Variants in TMEM117 observed in about 807,000 individuals in gnomAD.
The protein encoded by TMEM117 is transmembrane protein 117.
Under a neutral mutation model 52.4 loss-of-function variants are expected in TMEM117, and 27 were observed. The observed-to-expected ratio is 0.51, with a 90% CI of 0.38 to 0.71. The LOEUF is 0.71. Ranked by LOEUF, TMEM117 falls within the 30% of genes least tolerant of loss-of-function variation. The pLI, the probability that TMEM117 is intolerant of heterozygous loss-of-function variation, is 0.00. For synonymous variants in TMEM117, 215 were observed against 206.3 expected (o/e 1.04, Z -0.36); for missense variants, 556 against 630.5 (o/e 0.88, Z 1.26).
intron 6 of TMEM117, among the ~76,000 whole-genome samples, chr12:44,310,815 T>G (rs1950965093): frequency 6.6e-6 from 1 of 152,188 alleles, no homozygotes; most frequent in African/African-American, 2.4e-5. Context: ...AGCACCTGGG[T>G]TCTGCTTAAA....
intron 3 of TMEM117, among the ~76,000 whole-genome samples, chr12:44,130,986 T>C (rs1006737262): frequency 1.3e-5 from 2 of 152,114 alleles, no homozygotes; most frequent in Non-Finnish European, 2.9e-5. Context: ...TGTTGGTCTA[T>C]TGTATAATTC....
Position 44,170,395 on chromosome 12 carries a change from T to G in TMEM117, c.510+26771T>G, listed in dbSNP as rs11609527. On this transcript the variant is annotated intron_variant, in intron 4 of 7. Transcript: ENST00000266534. ...CCAACATGGCACATGTATACATATG[T>G]AACAAACCTGCACGTTGTGCATGTG... 5.9e-3 allele frequency among the ~76,000 whole-genome samples: 904 copies of G among 151,968 alleles called. 11 individuals carry two copies. Among genetic ancestry groups the G allele is most frequent in the Non-Finnish European group, 5.7e-3 (388 of 67,938 alleles).
intron 3 of TMEM117, among the ~76,000 whole-genome samples, chr12:44,026,868 T>C (rs1181805009): frequency 6.6e-6 from 1 of 151,878 alleles, no homozygotes; most frequent in African/African-American, 2.4e-5. Context: ...ACAAGAACAT[T>C]CTTGTTTGTA....
At chr12:44,218,371 A>G (rs1315778716) in intron 5 of TMEM117, among the ~76,000 whole-genome samples, 5 of 152,216 alleles carry the variant, frequency 3.3e-5, no homozygotes, top group Non-Finnish European at 5.9e-5. Flanking sequence ...CATTAGAGTA[A>G]CAGAATGAAT....
At chr12:43,800,571 C>T in the TMEM117 span, 5 of 1,475,484 alleles carry the variant, frequency 3.4e-6, no homozygotes, top group Admixed American at 3.5e-5. Context: ...TAGATGAAAA[C>T]ATAACATTAC....
intron 5 of TMEM117, among the ~76,000 whole-genome samples, chr12:44,280,834 G>T (rs189044812): frequency 8.7e-4 from 133 of 152,158 alleles, no homozygotes; most frequent in African/African-American, 3.0e-3. Context: ...AAATTCTGAT[G>T]AAATTATACT....
intron 3 of TMEM117, among the ~76,000 whole-genome samples, chr12:44,061,644 T>G (rs1947139946): frequency 1.3e-5 from 2 of 152,218 alleles, no homozygotes; most frequent in South Asian, 4.1e-4. Flanking sequence ...TGATTACATT[T>G]TTTTTCATGA....
intron 3 of TMEM117, among the ~76,000 whole-genome samples, chr12:43,997,796 ATTG>A (rs1299116387): frequency 6.6e-6 from 1 of 152,100 alleles, no homozygotes; most frequent in Non-Finnish European, 1.5e-5. Context: ...TTGATATGCC[ATTG>A]TTGTTATGGT....
chr12:43,851,514 TTA>T (rs1361586906), intron 2 of TMEM117, among the ~76,000 whole-genome samples: 9 of 152,162 alleles, frequency 5.9e-5, no homozygotes, highest in Admixed American at 5.9e-4. Flanking sequence ...TTTGGGGGGA[TTA>T]TACTTTAGAC....
intron 5 of TMEM117, among the ~76,000 whole-genome samples, chr12:44,284,024 G>A (rs757021153): frequency 3.3e-5 from 5 of 152,064 alleles, no homozygotes; most frequent in African/African-American, 9.7e-5. Flanking sequence ...CATGTAAGAA[G>A]TGCCTTTTGG....
At chr12:44,219,626 A>G (rs913748889) in intron 5 of TMEM117, among the ~76,000 whole-genome samples, 2 of 152,162 alleles carry the variant, frequency 1.3e-5, no homozygotes, top group Admixed American at 6.5e-5. Flanking sequence ...TCTTTAAAAC[A>G]TATTTGCAAG....
intron 6 of TMEM117, among the ~76,000 whole-genome samples, chr12:44,307,640 C>T (rs530339496): frequency 3.3e-5 from 5 of 152,312 alleles, no homozygotes; most frequent in African/African-American, 9.6e-5. Flanking sequence ...ACTGCTAGTA[C>T]AGCGGGGAGA....
chr12:44,278,581 G>A (rs774001736), intron 5 of TMEM117, among the ~76,000 whole-genome samples: 32 of 152,076 alleles, frequency 2.1e-4, no homozygotes, highest in East Asian at 1.7e-3. Flanking sequence ...TCTTCCCTCC[G>A]TGACAGAATC....
intron 2 of TMEM117, among the ~76,000 whole-genome samples, chr12:43,862,680 G>C (rs1299412778): frequency 6.6e-6 from 1 of 152,344 alleles, no homozygotes; most frequent in Non-Finnish European, 1.5e-5. Context: ...CTGGGGTGGA[G>C]TGCAGAGGAT....
chr12:43,931,555 G>T (rs927924088), intron 2 of TMEM117, among the ~76,000 whole-genome samples: 3 of 152,198 alleles, frequency 2.0e-5, no homozygotes, highest in African/African-American at 7.2e-5. Context: ...AGAGGGTAGA[G>T]AAATGCCCGT....
At chr12:44,217,588 A>G (rs1949734507) in intron 5 of TMEM117, among the ~76,000 whole-genome samples, 1 of 152,134 alleles carries the variant, frequency 6.6e-6, no homozygotes, top group Non-Finnish European at 1.5e-5. Flanking sequence ...TTGTTTTTGC[A>G]CCAAGGAAGT....
chr12:44,329,727 A>G (rs1349081427), intron 6 of TMEM117, among the ~76,000 whole-genome samples: 3 of 151,602 alleles, frequency 2.0e-5, no homozygotes, highest in African/African-American at 7.3e-5. Context: ...AAATTTGACT[A>G]CTCTATGTAC....
intron 7 of TMEM117, among the ~76,000 whole-genome samples, chr12:44,381,116 A>T (rs1047256028): frequency 6.6e-6 from 1 of 152,174 alleles, no homozygotes; most frequent in African/African-American, 2.4e-5. Flanking sequence ...TGCAGTATGT[A>T]TGAGCTTTCA....
intron 5 of TMEM117, among the ~76,000 whole-genome samples, chr12:44,297,327 A>T (rs1257463471): frequency 6.6e-6 from 1 of 152,192 alleles, no homozygotes; most frequent in Non-Finnish European, 1.5e-5. Context: ...TTCCAGGTGA[A>T]AATACAGTAA....
Sources: allele counts gnomAD v4.1 joint callset (sites outside exome capture counted in the v4.1 genomes callset), GRCh38; gene constraint gnomAD v4.1.1; transcripts MANE v1.5; gene names NCBI Gene and HGNC (gene_info 2026-07-23, HGNC 2026-07-21).